The following CPSF7 variants were observed in gnomAD, a reference collection of about 807,000 sequenced individuals.
CPSF7 encodes the protein cleavage and polyadenylation specificity factor subunit 7.
In CPSF7, 1 loss-of-function variant was observed where a neutral mutation model predicts 44.3. That is an observed-to-expected ratio of 0.02 (90% CI 0.01 to 0.11). CPSF7 has a LOEUF of 0.11. Among genes scored for constraint, CPSF7 ranks in the 10% least tolerant of loss-of-function variants. The pLI, the probability that CPSF7 is intolerant of heterozygous loss-of-function variation, is 1.00. For synonymous variants in CPSF7, 202 were observed against 222.0 expected, an observed-to-expected ratio of 0.91 and a Z score of 0.80; for missense variants, 443 against 607.2, an observed-to-expected ratio of 0.73 and a Z score of 2.84.
chr11:61,429,653 C>T (rs1041395670), intron 1 of CPSF7: 22 of 1,325,932 alleles, frequency 1.7e-5, no homozygotes, highest in Non-Finnish European at 2.1e-5. Context: ...CAAGGCGGCT[C>T]CGGCCAGAGC....
At chr11:61,429,141 G>A in intron 2 of CPSF7, 41 bp downstream of exon 2, 3 of 1,189,590 alleles carry the variant, frequency 2.5e-6, no homozygotes, top group Non-Finnish European at 3.8e-6. Context: ...TGATTCCTCA[G>A]ATGATCAAGG....
At chr11:61,413,580 G>A (rs1412329557) in intron 7 of CPSF7, among the ~76,000 whole-genome samples, 5 of 151,390 alleles carry the variant, frequency 3.3e-5, no homozygotes, top group Non-Finnish European at 7.4e-5. Context: ...GCAGTGAGTC[G>A]GGATCAGACC....
chr11:61,419,281 C>CA (rs1860633851), intron 5 of CPSF7, among the ~76,000 whole-genome samples: 1 of 152,212 alleles, frequency 6.6e-6, no homozygotes. Context: ...CTCGGCCTCT[C>CA]AAAGTGCTGG....
chr11:61,429,861 G>C, intron 1 of CPSF7, 53 bp downstream of exon 1: 5 of 1,539,478 alleles, frequency 3.2e-6, no homozygotes, highest in Non-Finnish European at 3.5e-6. Context: ...CCTCAGTGCC[G>C]GCCCGGACCC....
chr11:61,429,326 A>T, intron 1 of CPSF7, 36 bp from the exon 2 acceptor site: 1 of 1,266,270 alleles, frequency 7.9e-7, no homozygotes, highest in Non-Finnish European at 1.2e-6. Context: ...ATTAGAAGGC[A>T]CGAGGGTCCT....
At position 61,421,288 on chromosome 11, in the gene CPSF7, T is replaced by C. The variant is rs1428445006; in HGVS notation, c.273+102A>G. 4 of 1,107,170 alleles carry C rather than the reference T, an allele frequency of 3.6e-6. No individual in the cohort carries two copies. In the South Asian group the frequency reaches 5.3e-5, roughly 15 times the overall value. The allele number at this position is 1,107,170 out of a possible 1,614,324, so 68.6% of individuals were successfully genotyped here. ...CCCAGGAAAAAGAAATCCAACCCCA[T>C]CAGAGCACAAAACAGTGCAACAGTA... On this transcript the variant is annotated intron_variant, in intron 3 of 9. Transcript: ENST00000439958.
At chr11:61,428,120 C>T (rs1159617264) in intron 2 of CPSF7, among the ~76,000 whole-genome samples, 2 of 152,210 alleles carry the variant, frequency 1.3e-5, no homozygotes, top group African/African-American at 2.4e-5. Flanking sequence ...TTGGAACATT[C>T]TTGAGAATTG....
chr11:61,419,837 A>C, intron 5 of CPSF7, 112 bp downstream of exon 5: 2 of 1,317,510 alleles, frequency 1.5e-6, no homozygotes, highest in African/African-American at 1.5e-5. Context: ...CCCTCCCCCA[A>C]ACTCACCCAC....
intron 9 of CPSF7, among the ~76,000 whole-genome samples, chr11:61,404,992 C>A (rs1859175371): frequency 6.6e-6 from 1 of 152,136 alleles, no homozygotes; most frequent in Non-Finnish European, 1.5e-5. Context: ...GAACGTTCGA[C>A]TGAAAAGGAG....
At chr11:61,425,787 C>T (rs1023726290) in intron 2 of CPSF7, among the ~76,000 whole-genome samples, 19 of 152,200 alleles carry the variant, frequency 1.2e-4, no homozygotes, top group Non-Finnish European at 2.1e-4. Context: ...TGTACATTGT[C>T]GTTGTCCACC....
At chr11:61,408,200 G>A (rs1859500615) in intron 9 of CPSF7, among the ~76,000 whole-genome samples, 1 of 151,868 alleles carries the variant, frequency 6.6e-6, no homozygotes, top group African/African-American at 2.4e-5. Context: ...GGGACTACAG[G>A]CACCTGCCAC....
At chr11:61,429,830 T>A in intron 1 of CPSF7, 84 bp downstream of exon 1, 1 of 1,547,126 alleles carries the variant, frequency 6.5e-7, no homozygotes, top group Non-Finnish European at 8.7e-7. Flanking sequence ...GGCCGTCCCA[T>A]CTCAACCGAC....
At chr11:61,411,194 A>C (rs1216442891) in intron 8 of CPSF7, 89 bp from the exon 9 acceptor site, 5 of 1,335,118 alleles carry the variant, frequency 3.7e-6, no homozygotes, top group Middle Eastern at 2.1e-4. Flanking sequence ...ATATTTGCCT[A>C]AACTATTCCT....
chr11:61,413,911 G>A (rs1219636055), intron 7 of CPSF7, among the ~76,000 whole-genome samples: 2 of 152,136 alleles, frequency 1.3e-5, no homozygotes, highest in Non-Finnish European at 1.5e-5. Flanking sequence ...AGAATATGAA[G>A]ACATCAGCTC....
Position 61,415,670 on chromosome 11 carries a change from A to C in CPSF7, c.1053T>G (p.Ser351Arg). 1 of 1,604,104 alleles carries C rather than the reference A, an allele frequency of 6.2e-7. No homozygotes were observed. The highest frequency in any genetic ancestry group is 1.3e-5 in the African/African-American group (1 of 74,832). The change falls in exon 7 of 10, where the codon AGT becomes AGG. Residue 351 changes from serine to arginine, a missense_variant. Physicochemically the swap from Ser to Arg is moderately radical, Grantham distance 110. Transcript: ENST00000439958. ...CAAAGGTAAGCACTGAGTTACCTGC[A>C]CTGGCTCCAGATACTGCTTTGGAAA... ...SAISKAVSGASAGDYSDAIET... is the reference protein window; with the variant it reads ...SAISKAVSGARAGDYSDAIET...
rs1046711185 is a variant in CPSF7 at position 61,404,050 on chromosome 11, C to T, written c.*660G>A. The T allele has an allele frequency of 2.0e-5, 3 of 152,706 alleles. No individual in the cohort carries two copies. Among genetic ancestry groups the T allele is most frequent in the Admixed American group, 2.0e-4 (3 of 15,290 alleles). 9.5% of individuals were successfully genotyped at this position (152,706 alleles called of 1,614,324 possible). The stretch of plus-strand genomic sequence containing the variant: ...CAAGTCCACTGAGAAGGCTGGGCAG[C>T]GCAGAGTTGAAAGAGTTCAGCCCTC... On this transcript the variant is annotated 3_prime_UTR_variant, in exon 10 of 10. Coordinates refer to ENST00000439958, the MANE Select transcript of CPSF7 (RefSeq NM_001142565.3).
intron 5 of CPSF7, among the ~76,000 whole-genome samples, chr11:61,418,152 A>G (rs926563134): frequency 6.6e-6 from 1 of 152,206 alleles, no homozygotes; most frequent in Non-Finnish European, 1.5e-5. Context: ...CTAGGCTGTC[A>G]ATCTAGTTAA....
intron 8 of CPSF7, 27 bp downstream of exon 8, chr11:61,411,742 T>C: frequency 6.3e-7 from 1 of 1,595,264 alleles, no homozygotes; most frequent in South Asian, 1.1e-5. Flanking sequence ...TTGGGGCTGG[T>C]AGGTGAGGAC....
At chr11:61,416,061 C>T in intron 6 of CPSF7, 44 bp downstream of exon 6, 2 of 1,454,646 alleles carry the variant, frequency 1.4e-6, no homozygotes. Context: ...GCTTAATACA[C>T]TTATTTACCC....
Sources: allele counts gnomAD v4.1 joint callset (sites outside exome capture counted in the v4.1 genomes callset), GRCh38; gene constraint gnomAD v4.1.1; transcripts MANE v1.5; gene names NCBI Gene and HGNC (gene_info 2026-07-23, HGNC 2026-07-21).